Variants in EPHA3 observed in about 807,000 individuals in gnomAD.
EPHA3 encodes the protein ephrin type-A receptor 3.
In EPHA3, 42 loss-of-function variants were observed where a neutral mutation model predicts 107.1. The ratio of observed to expected loss-of-function variants is 0.39; its 90% CI spans 0.31 to 0.51. The LOEUF (loss-of-function observed/expected upper bound fraction) is 0.51. Among genes scored for constraint, EPHA3 ranks in the 20% least tolerant of loss-of-function variants. The probability of loss-of-function intolerance (pLI) is 0.78; values close to 1 mark genes in which losing one functional copy is unlikely to be tolerated. For synonymous variants in EPHA3, 461 were observed against 424.8 expected (o/e 1.09, Z -1.05); for missense variants, 1,183 against 1,211.2 (o/e 0.98, Z 0.35).
At chr3:89,372,216 G>C (rs539210676) in intron 5 of EPHA3, among the ~76,000 whole-genome samples, 1 of 151,656 alleles carries the variant, frequency 6.6e-6, no homozygotes, top group South Asian at 2.1e-4. Context: ...TGACAAGAAG[G>C]TAGGGTATCT....
At chr3:89,169,539 T>C (rs1705161772) in intron 2 of EPHA3, among the ~76,000 whole-genome samples, 2 of 152,228 alleles carry the variant, frequency 1.3e-5, no homozygotes, top group Admixed American at 6.5e-5. Context: ...ATAACTGTTA[T>C]ATATAAACTA....
intron 3 of EPHA3, among the ~76,000 whole-genome samples, chr3:89,258,061 C>G (rs1705327074): frequency 6.6e-6 from 1 of 152,214 alleles, no homozygotes. Context: ...TAAACTGCTG[C>G]TCTATGCCTC....
intron 5 of EPHA3, among the ~76,000 whole-genome samples, chr3:89,351,337 C>T (rs1485532260): frequency 2.6e-5 from 4 of 151,146 alleles, no homozygotes; most frequent in African/African-American, 7.3e-5. Context: ...TTTTTTAAGC[C>T]GGTCTGAAAA....
chr3:89,421,419 C>A (rs1211005069), intron 11 of EPHA3, among the ~76,000 whole-genome samples: 1 of 151,074 alleles, frequency 6.6e-6, no homozygotes, highest in Non-Finnish European at 1.5e-5. Flanking sequence ...GTATTTGATT[C>A]ATTAAATTGA....
intron 5 of EPHA3, among the ~76,000 whole-genome samples, chr3:89,390,618 A>AT (rs1708707818): frequency 6.6e-6 from 1 of 150,930 alleles, no homozygotes; most frequent in African/African-American, 2.4e-5. Context: ...AAAAAAAAAA[A>AT]AGTGGTACTT....
Position 89,481,627 on chromosome 3 carries a change from A to C in EPHA3, c.*2125A>C, listed in dbSNP as rs1350418827. ...TTCACTTATTTTGGCTGTGGTTTCC[A>C]TCTGAAAGTAGAGGTTGTATACACC... On this transcript the variant is annotated 3_prime_UTR_variant, in exon 17 of 17. Coordinates refer to ENST00000336596, the MANE Select transcript of EPHA3 (RefSeq NM_005233.6). 1 of 232,624 alleles carries C rather than the reference A, an allele frequency of 4.3e-6. No homozygotes were observed. The highest frequency in any genetic ancestry group is 8.5e-6 in the Non-Finnish European group (1 of 117,404). 14.4% of individuals were successfully genotyped at this position (232,624 alleles called of 1,614,324 possible). A position where few individuals can be genotyped will look rare whatever the true frequency, so the allele number is the denominator to read the frequency against.
intron 2 of EPHA3, among the ~76,000 whole-genome samples, chr3:89,152,127 C>A (rs1704702982): frequency 6.6e-6 from 1 of 152,012 alleles, no homozygotes; most frequent in Non-Finnish European, 1.5e-5. Context: ...ATTCATTTTT[C>A]TGTGGATCAC....
intron 2 of EPHA3, among the ~76,000 whole-genome samples, chr3:89,153,674 CTT>C (rs1471071728): frequency 6.6e-6 from 1 of 152,068 alleles, no homozygotes; most frequent in Non-Finnish European, 1.5e-5. Flanking sequence ...CCACCACCAT[CTT>C]TTACCTATTT....
At chr3:89,431,637 A>T (rs1021114834) in intron 13 of EPHA3, among the ~76,000 whole-genome samples, 1 of 152,192 alleles carries the variant, frequency 6.6e-6, no homozygotes, top group Non-Finnish European at 1.5e-5. Flanking sequence ...TGATATTTTT[A>T]AATGTACCCA....
intron 3 of EPHA3, among the ~76,000 whole-genome samples, chr3:89,331,320 A>G (rs375788710): frequency 2.0e-5 from 3 of 152,168 alleles, no homozygotes; most frequent in African/African-American, 7.2e-5. Context: ...GAAAGTACAA[A>G]CAACAACAAA....
At chr3:89,399,240 T>A in intron 6 of EPHA3, 78 bp from the exon 7 acceptor site, 1 of 1,284,730 alleles carries the variant, frequency 7.8e-7, no homozygotes, top group Non-Finnish European at 1.1e-6. Context: ...GAATCAGGTT[T>A]GAGTGGTTCA....
At chr3:89,433,265 C>T (rs1709603864) in intron 13 of EPHA3, among the ~76,000 whole-genome samples, 2 of 151,798 alleles carry the variant, frequency 1.3e-5, no homozygotes, top group African/African-American at 4.8e-5. Flanking sequence ...TAGTCTTCTG[C>T]TGTTTCTTAT....
intron 13 of EPHA3, among the ~76,000 whole-genome samples, chr3:89,440,497 CCTT>C (rs1282304649): frequency 1.3e-5 from 2 of 152,204 alleles, no homozygotes; most frequent in Non-Finnish European, 2.9e-5. Context: ...CAATTACACT[CCTT>C]CTCTTTAGAA....
At chr3:89,116,719 T>TA (rs140739470) in intron 1 of EPHA3, among the ~76,000 whole-genome samples, 1,683 of 132,490 alleles carry the variant, frequency 0.013, 31 homozygotes, top group African/African-American at 0.038. Context: ...ACTGTAACAT[T>TA]AAAAAAAAAA....
chr3:89,230,480 G>T (rs538383770), intron 3 of EPHA3, among the ~76,000 whole-genome samples: 1 of 152,162 alleles, frequency 6.6e-6, no homozygotes, highest in East Asian at 1.9e-4. Context: ...ATGTTTTTAA[G>T]TAGAGTGAAG....
chr3:89,138,390 A>G (rs1704359572), intron 2 of EPHA3, among the ~76,000 whole-genome samples: 1 of 151,880 alleles, frequency 6.6e-6, no homozygotes, highest in African/African-American at 2.4e-5. Context: ...TCCATTGCTC[A>G]TGATAAAAGA....
chr3:89,181,828 C>A (rs1464965881), intron 2 of EPHA3, among the ~76,000 whole-genome samples: 4 of 151,932 alleles, frequency 2.6e-5, no homozygotes, highest in African/African-American at 4.8e-5. Flanking sequence ...GTCAGGCATG[C>A]TAATTGAGTG....
In EPHA3 at chr3:89,395,911, G is replaced by C. The variant is rs764806570; in HGVS notation, c.1381G>C (p.Glu461Gln). 5.6e-6 allele frequency: 9 copies of C among 1,613,852 alleles called. No individual in the cohort carries two copies. The African/African-American group carries it at 1.2e-4, about 22-fold the overall frequency. The change falls in exon 6 of 17, where the codon GAA becomes CAA. Residue 461 changes from glutamate to glutamine, a missense_variant. Physicochemically the swap from Glu to Gln is conservative, Grantham distance 29. Transcript: ENST00000336596. ...NSISLSWQEP[E>Q]HPNGIILDYE... ...CATCTCTTTGTCCTGGCAAGAACCTGAACATCCTAATGGGATCATATTGGA... is the reference window on the plus strand; with the variant it reads ...CATCTCTTTGTCCTGGCAAGAACCTCAACATCCTAATGGGATCATATTGGA...
intron 3 of EPHA3, among the ~76,000 whole-genome samples, chr3:89,231,821 G>C (rs1266758104): frequency 6.6e-6 from 1 of 152,192 alleles, no homozygotes; most frequent in East Asian, 1.9e-4. Context: ...CTTCAGAAAT[G>C]ATGACCCAAA....
Sources: gnomAD v4.1 joint callset for allele counts (sites outside exome capture counted in the v4.1 genomes callset) on GRCh38, gnomAD v4.1.1 for gene constraint, MANE v1.5 for transcripts, NCBI Gene and HGNC (gene_info 2026-07-23, HGNC 2026-07-21) for gene names.